Variants in ALK observed in about 807,000 individuals in gnomAD.
ALK encodes the protein ALK tyrosine kinase receptor.
In ALK, 74 loss-of-function variants were observed where a neutral mutation model predicts 163.1. The observed-to-expected ratio is 0.45, with a 90% confidence interval of 0.38 to 0.55. ALK has a LOEUF of 0.55. Among genes scored for constraint, ALK ranks in the 20% least tolerant of loss-of-function variants. The pLI is 0.00. For missense variants in ALK, 2,063 were observed against 2,105.3 expected, an observed-to-expected ratio of 0.98 and a Z score of 0.39; for synonymous variants, 960 against 843.2, an observed-to-expected ratio of 1.14 and a Z score of -2.40.
intron 1 of ALK, chr2:29,907,113 C>A (rs554456373): frequency 1.3e-5 from 2 of 151,996 alleles, no homozygotes; most frequent in South Asian, 4.2e-4. Context: ...ATTGAATGAA[C>A]TCTATTTTAA....
intron 5 of ALK, among the ~76,000 whole-genome samples, chr2:29,379,080 G>A (rs1001990781): frequency 6.6e-6 from 1 of 152,230 alleles, no homozygotes; most frequent in South Asian, 2.1e-4. Flanking sequence ...GTTGCTGTAG[G>A]CACCTCTGAA....
chr2:29,286,930 T>C (rs1201743363), intron 9 of ALK: 1 of 111,448 alleles, frequency 9.0e-6, no homozygotes, highest in Admixed American at 8.3e-5. Flanking sequence ...ACCATCTCAT[T>C]TTTTTTTTTT....
intron 1 of ALK, among the ~76,000 whole-genome samples, chr2:29,911,822 T>C (rs1376984681): frequency 6.6e-6 from 1 of 152,142 alleles, no homozygotes; most frequent in East Asian, 1.9e-4. Flanking sequence ...AATAATAAGA[T>C]CATCCAGATG....
chr2:29,707,921 G>A (rs1303412703), intron 2 of ALK, among the ~76,000 whole-genome samples: 1 of 152,130 alleles, frequency 6.6e-6, no homozygotes, highest in Non-Finnish European at 1.5e-5. Context: ...GTGGCTGAAG[G>A]TAATACAACT....
intron 4 of ALK, among the ~76,000 whole-genome samples, chr2:29,461,380 G>C (rs545213516): frequency 2.6e-5 from 4 of 152,262 alleles, no homozygotes; most frequent in African/African-American, 9.6e-5. Flanking sequence ...ATGCCATCTA[G>C]GACTTTCATA....
At chr2:29,506,188 G>T (rs1360765712) in intron 4 of ALK, among the ~76,000 whole-genome samples, 1 of 152,196 alleles carries the variant, frequency 6.6e-6, no homozygotes, top group African/African-American at 2.4e-5. Context: ...CCCTTGTACA[G>T]AGTTCTCAGA....
intron 3 of ALK, among the ~76,000 whole-genome samples, chr2:29,581,931 G>T (rs1031949706): frequency 6.6e-6 from 1 of 152,208 alleles, no homozygotes; most frequent in Non-Finnish European, 1.5e-5. Context: ...CTGGGCATGG[G>T]TGGTGCCTCT....
intron 3 of ALK, among the ~76,000 whole-genome samples, chr2:29,604,691 C>T (rs1367436400): frequency 6.6e-6 from 1 of 152,178 alleles, no homozygotes; most frequent in African/African-American, 2.4e-5. Flanking sequence ...GTTTCCATTC[C>T]ATTATAAAAT....
At chr2:29,750,648 G>T in intron 1 of ALK, among the ~76,000 whole-genome samples, 1 of 86,980 alleles carries the variant, frequency 1.1e-5, no homozygotes, top group South Asian at 5.2e-4. Flanking sequence ...AGGAAGGAAG[G>T]AAGGAAGGAA....
intron 2 of ALK, among the ~76,000 whole-genome samples, chr2:29,702,852 A>T (rs1011384900): frequency 6.6e-6 from 1 of 152,250 alleles, no homozygotes; most frequent in Admixed American, 6.5e-5. Context: ...CCACGATTCA[A>T]TTACGTCCCA....
intron 3 of ALK, among the ~76,000 whole-genome samples, chr2:29,650,991 G>A (rs1315375550): frequency 2.0e-5 from 3 of 152,120 alleles, no homozygotes; most frequent in East Asian, 1.9e-4. Context: ...TCTGCTAGTC[G>A]CCGCACGGTG....
intron 4 of ALK, among the ~76,000 whole-genome samples, chr2:29,385,729 T>C (rs1573305610): frequency 6.6e-6 from 1 of 152,220 alleles, no homozygotes; most frequent in African/African-American, 2.4e-5. Context: ...TTTTCATGAA[T>C]GAGACCATAG....
chr2:29,856,506 G>A (rs768274800), intron 1 of ALK, among the ~76,000 whole-genome samples: 1 of 152,196 alleles, frequency 6.6e-6, no homozygotes, highest in Non-Finnish European at 1.5e-5. Context: ...AGGAAAATAA[G>A]TCTGAGGCTG....
rs70962250 is a variant in ALK, at chr2:29,906,937, G to GTTTT, written c.667+13052_667+13055dup. Among the ~76,000 whole-genome samples, 11 of 80,040 alleles carry GTTTT rather than the reference G, an allele frequency of 1.4e-4. 1 individual carries two copies. Among genetic ancestry groups the GTTTT allele is most frequent in the South Asian group, 6.1e-4 (1 of 1,652 alleles). The allele number at this position is 80,040 out of a possible 152,430, so 52.5% of individuals were successfully genotyped here. ...CCAGAAATATACATATACATTTAAG[G>GTTTT]TTTTTTTTTTTTTTTTTTTTTTTTT... On this transcript the variant is annotated intron_variant, in intron 1 of 28. Coordinates refer to ENST00000389048, the MANE Select transcript of ALK (RefSeq NM_004304.5).
In ALK at chr2:29,920,500, G is replaced by T. The variant is rs1023566110; in HGVS notation, c.160C>A (p.Leu54Met). 1 of 1,613,086 alleles carries T rather than the reference G, an allele frequency of 6.2e-7. No individual in the cohort carries two copies. The highest frequency in any genetic ancestry group is 1.3e-5 in the African/African-American group (1 of 75,046). The change falls in exon 1 of 29, where the codon CTG (leucine) becomes ATG (methionine). Residue 54 changes from leucine to methionine, a missense_variant. Physicochemically the swap from Leu to Met is conservative, Grantham distance 15. Coordinates refer to ENST00000389048, the MANE Select transcript of ALK (RefSeq NM_004304.5). ...LSYSRLQRKSLAVDFVVPSLF... is the reference protein window; with the variant it reads ...LSYSRLQRKSMAVDFVVPSLF... Reference sequence around the variant, plus strand: ...GAGGGCACCACGAAGTCAACTGCCAGACTCTTCCTCTGCAGGCGCGAGTAG... The same window carrying T: ...GAGGGCACCACGAAGTCAACTGCCATACTCTTCCTCTGCAGGCGCGAGTAG...
intron 4 of ALK, among the ~76,000 whole-genome samples, chr2:29,475,945 T>A (rs1671508707): frequency 6.6e-6 from 1 of 152,094 alleles, no homozygotes; most frequent in Admixed American, 6.5e-5. Flanking sequence ...ACAACTGCAA[T>A]GAAGTGAAAG....
At chr2:29,908,515 T>C (rs1004556068) in intron 1 of ALK, among the ~76,000 whole-genome samples, 7 of 152,240 alleles carry the variant, frequency 4.6e-5, no homozygotes, top group Admixed American at 3.9e-4. Flanking sequence ...AGTGTTTTTA[T>C]TTTTTACTCA....
At chr2:29,214,621 T>A (rs1669552142) in intron 23 of ALK, among the ~76,000 whole-genome samples, 1 of 152,188 alleles carries the variant, frequency 6.6e-6, no homozygotes, top group African/African-American at 2.4e-5. Context: ...GCTGGGCAAT[T>A]ATGAGCTATC....
intron 1 of ALK, among the ~76,000 whole-genome samples, chr2:29,901,012 A>T (rs193125947): frequency 1.2e-3 from 172 of 149,482 alleles, no homozygotes; most frequent in African/African-American, 3.9e-3. Flanking sequence ...CAAGCAAGCA[A>T]GCAAGCAAGC....
Sources: allele counts gnomAD v4.1 joint callset (sites outside exome capture counted in the v4.1 genomes callset), GRCh38; gene constraint gnomAD v4.1.1; transcripts MANE v1.5; gene names NCBI Gene and HGNC (gene_info 2026-07-23, HGNC 2026-07-21).